Variants in ZNF430 observed in about 807,000 individuals in gnomAD.
ZNF430 encodes zinc finger protein 430.
Under a neutral mutation model 56.7 loss-of-function variants are expected in ZNF430, and 35 were observed. That is an observed-to-expected ratio of 0.62 (90% CI 0.47 to 0.82). ZNF430 has a LOEUF of 0.82. ZNF430 is among the 40% of genes least tolerant of loss of function. ZNF430 has a pLI of 0.00. For missense variants in ZNF430, 574 were observed against 661.0 expected (o/e 0.87, Z 1.44); for synonymous variants, 212 against 224.3 (o/e 0.94, Z 0.49).
At chr19:21,032,216 T>C (rs1393414981) in intron 2 of ZNF430, among the ~76,000 whole-genome samples, 1 of 152,160 alleles carries the variant, frequency 6.6e-6, no homozygotes, top group Non-Finnish European at 1.5e-5. Context: ...ACCCAGAAAG[T>C]TCTGAAAAAA....
Position 21,022,795 on chromosome 19 carries a change from CT to C in ZNF430, c.11del (p.Leu4ArgfsTer32). On this transcript the variant is annotated frameshift_variant, in exon 2 of 5. Transcript: ENST00000261560. LOFTEE classifies it high-confidence loss of function. ...GGGTTATTTTCTCCCATAGGAGAACCTGAAGTCTGGAGTGTATCCTCTCAAG... is the reference window on the plus strand; with the variant it reads ...GGGTTATTTTCTCCCATAGGAGAACCGAAGTCTGGAGTGTATCCTCTCAAG... MEN[L>X]KSGVYPLKEA... is the part of the protein sequence containing the mutation. 1 of 1,611,374 alleles carries C rather than the reference CT, an allele frequency of 6.2e-7. No individual in the cohort carries two copies. Among genetic ancestry groups the C allele is most frequent in the African/African-American group, 1.3e-5 (1 of 74,946 alleles).
chr19:21,044,463 G>A (rs1157725146), intron 4 of ZNF430, among the ~76,000 whole-genome samples: 1 of 152,132 alleles, frequency 6.6e-6, no homozygotes, highest in Non-Finnish European at 1.5e-5. Flanking sequence ...GCTTTTCGAT[G>A]TGCTGCTGGA....
At chr19:21,056,607 AT>A (rs1208415940) in intron 4 of ZNF430, 23 bp from the exon 5 acceptor site, 2 of 1,475,028 alleles carry the variant, frequency 1.4e-6, no homozygotes, top group Non-Finnish European at 1.8e-6. Context: ...AAATGGAGTA[AT>A]TTGTTATTTT....
At chr19:21,038,636 C>T (rs1480770014) in intron 4 of ZNF430, among the ~76,000 whole-genome samples, 2 of 152,058 alleles carry the variant, frequency 1.3e-5, no homozygotes, top group African/African-American at 4.8e-5. Flanking sequence ...ACAATGTTGA[C>T]CAGGCTGGTC....
rs974510100 is a variant in ZNF430, at chr19:21,020,784, C to G, written c.-17C>G. ...AGATCTACAGCTAAGACGCCAGGAA[C>G]CCCTGGAAGCCTAGAAATGGTGAGA... On this transcript the variant is annotated 5_prime_UTR_variant, in exon 1 of 5. Transcript: ENST00000261560. The G allele has an allele frequency of 6.2e-7, 1 of 1,613,784 alleles. No individual in the cohort carries two copies. The highest frequency in any genetic ancestry group is 1.3e-5 in the African/African-American group (1 of 75,030).
chr19:21,037,111 CTT>C (rs990607702), intron 4 of ZNF430, among the ~76,000 whole-genome samples: 11 of 130,744 alleles, frequency 8.4e-5, no homozygotes, highest in Admixed American at 1.6e-4. Flanking sequence ...ACAAGATTTT[CTT>C]TTTTTTTTTT....
intron 2 of ZNF430, among the ~76,000 whole-genome samples, chr19:21,024,549 G>A (rs1418353119): frequency 6.6e-6 from 1 of 152,108 alleles, no homozygotes; most frequent in Non-Finnish European, 1.5e-5. Flanking sequence ...GGAGGCCGAG[G>A]CAGGCGGATC....
intron 4 of ZNF430, among the ~76,000 whole-genome samples, chr19:21,037,123 T>A (rs928893541): frequency 1.8e-4 from 27 of 150,786 alleles, no homozygotes; most frequent in South Asian, 4.2e-4. Context: ...TTTTTTTTTT[T>A]TTTTTTATTT....
chr19:21,028,637 G>A (rs543789631), intron 2 of ZNF430, among the ~76,000 whole-genome samples: 1 of 152,286 alleles, frequency 6.6e-6, no homozygotes, highest in Admixed American at 6.5e-5. Flanking sequence ...TTCTGCTTCT[G>A]GCTTGGTGTA....
intron 4 of ZNF430, among the ~76,000 whole-genome samples, chr19:21,054,398 C>T (rs1216777879): frequency 1.3e-5 from 2 of 150,748 alleles, no homozygotes; most frequent in Non-Finnish European, 2.9e-5. Flanking sequence ...TTTAGCAGGA[C>T]ATATTTGCTG....
intron 4 of ZNF430, among the ~76,000 whole-genome samples, chr19:21,039,639 G>A (rs1904523452): frequency 6.6e-6 from 1 of 151,588 alleles, no homozygotes; most frequent in East Asian, 2.0e-4. Flanking sequence ...GCTAATTTTT[G>A]TATTTTTGTA....
chr19:21,049,894 T>C (rs1968254314), intron 4 of ZNF430, among the ~76,000 whole-genome samples: 1 of 152,082 alleles, frequency 6.6e-6, no homozygotes, highest in Admixed American at 6.6e-5. Context: ...TTCTTTAATT[T>C]ACCTCTGTAT....
intron 2 of ZNF430, 79 bp from the exon 3 acceptor site, chr19:21,033,377 T>G: frequency 1.3e-6 from 2 of 1,510,666 alleles, no homozygotes; most frequent in Non-Finnish European, 1.8e-6. Context: ...TTCTGTCATT[T>G]CACTTTAATT....
intron 4 of ZNF430, among the ~76,000 whole-genome samples, chr19:21,048,860 C>T (rs1296623234): frequency 1.3e-5 from 2 of 151,834 alleles, no homozygotes; most frequent in Non-Finnish European, 2.9e-5. Context: ...GCAGGGGCTG[C>T]CCCCCACCTC....
At chr19:21,040,351 G>A (rs373299725) in intron 4 of ZNF430, among the ~76,000 whole-genome samples, 2 of 152,178 alleles carry the variant, frequency 1.3e-5, no homozygotes, top group East Asian at 3.9e-4. Context: ...AGGTGTTTGG[G>A]TCATGGGGAC....
At chr19:21,020,835 G>T in intron 1 of ZNF430, 32 bp downstream of exon 1, 1 of 1,613,712 alleles carries the variant, frequency 6.2e-7, no homozygotes, top group Non-Finnish European at 8.5e-7. Context: ...TCCCCAGAGA[G>T]GGGAGGGGCT....
chr19:21,031,824 C>G (rs1967906789), intron 2 of ZNF430, among the ~76,000 whole-genome samples: 1 of 152,132 alleles, frequency 6.6e-6, no homozygotes, highest in Admixed American at 6.5e-5. Context: ...TTAGTACTTG[C>G]AAATCTTTAC....
At position 21,035,844 on chromosome 19, in the gene ZNF430, A is replaced by G. The variant is rs140787142; in HGVS notation, c.322+1660A>G. On this transcript the variant is annotated intron_variant, in intron 4 of 4. Coordinates refer to ENST00000261560, the MANE Select transcript of ZNF430 (RefSeq NM_025189.4). The stretch of plus-strand genomic sequence containing the variant: ...TTTTTGGACAGACTGAATATCCTTC[A>G]ACACTTTGATCTGTAGAGCAGACAA... 2.6e-5 allele frequency: 4 copies of G among 155,356 alleles called. No homozygotes were observed. In the East Asian group the frequency reaches 7.6e-4, roughly 29 times the overall value. The allele number at this position is 155,356 out of a possible 1,614,324, so 9.6% of individuals were successfully genotyped here.
At chr19:21,053,798 T>C (rs894409422) in intron 4 of ZNF430, among the ~76,000 whole-genome samples, 2 of 152,210 alleles carry the variant, frequency 1.3e-5, no homozygotes, top group Non-Finnish European at 2.9e-5. Flanking sequence ...CAGAAAGACA[T>C]TAATGTTATT....
Sources: allele counts gnomAD v4.1 joint callset (sites outside exome capture counted in the v4.1 genomes callset), GRCh38; gene constraint gnomAD v4.1.1; transcripts MANE v1.5; gene names NCBI Gene and HGNC (gene_info 2026-07-23, HGNC 2026-07-21).